The following RGL1 variants were observed in gnomAD, a reference collection of about 807,000 sequenced individuals.
RGL1 encodes the protein ral guanine nucleotide dissociation stimulator-like 1.
A neutral mutation model predicts 95.2 loss-of-function variants in RGL1; 24 were observed. The ratio of observed to expected loss-of-function variants is 0.25; its 90% CI spans 0.18 to 0.35. The LOEUF is 0.35. Among genes scored for constraint, RGL1 ranks in the 10% least tolerant of loss-of-function variants. The pLI is 1.00. For synonymous variants in RGL1, 329 were observed against 344.9 expected, an observed-to-expected ratio of 0.95 and a Z score of 0.51; for missense variants, 715 against 936.3, an observed-to-expected ratio of 0.76 and a Z score of 3.08.
chr1:183,889,370 A>G (rs921234835), intron 8 of RGL1, among the ~76,000 whole-genome samples: 13 of 152,158 alleles, frequency 8.5e-5, no homozygotes, highest in Admixed American at 6.5e-5. Context: ...AAGTTAGGCT[A>G]TATCAGGGAA....
rs188801377 is a variant in RGL1, at chr1:183,900,428, A to G, written c.1317+192A>G. On this transcript the variant is annotated intron_variant, in intron 11 of 17. Transcript: ENST00000360851. Reference sequence around the variant, plus strand: ...GCTCAAAATCCAGTGGAAGTAATTAATATATCAAAATAAGCAGTGAACGAT... The same window carrying G: ...GCTCAAAATCCAGTGGAAGTAATTAGTATATCAAAATAAGCAGTGAACGAT... 2.6e-5 allele frequency among the ~76,000 whole-genome samples: 4 copies of G among 152,386 alleles called. No individual in the cohort carries two copies. In the East Asian group the frequency reaches 5.8e-4, roughly 22 times the overall value.
At chr1:183,736,756 G>A (rs1426930982) in intron 1 of RGL1, among the ~76,000 whole-genome samples, 1 of 152,166 alleles carries the variant, frequency 6.6e-6, no homozygotes, top group African/African-American at 2.4e-5. Context: ...AAGATTAGAA[G>A]AAATCTGAGT....
chr1:183,665,479 T>G (rs1398446376), intron 1 of RGL1, among the ~76,000 whole-genome samples: 1 of 152,170 alleles, frequency 6.6e-6, no homozygotes, highest in Non-Finnish European at 1.5e-5. Flanking sequence ...TTTCCTTAAA[T>G]TTTTGGTAGA....
chr1:183,823,487 A>G (rs549981295), intron 2 of RGL1, among the ~76,000 whole-genome samples: 1 of 152,322 alleles, frequency 6.6e-6, no homozygotes, highest in East Asian at 1.9e-4. Context: ...TTTATTTGTT[A>G]AAATGATTTA....
chr1:183,861,026 C>A (rs988910229), intron 3 of RGL1, among the ~76,000 whole-genome samples: 1 of 152,106 alleles, frequency 6.6e-6, no homozygotes, highest in African/African-American at 2.4e-5. Context: ...TTAGTTGTAT[C>A]TTTGAGGGCA....
intron 1 of RGL1, among the ~76,000 whole-genome samples, chr1:183,727,174 T>C (rs926723485): frequency 3.3e-5 from 5 of 152,114 alleles, no homozygotes; most frequent in African/African-American, 1.2e-4. Context: ...TCAAATAATG[T>C]TTATCCTAGG....
chr1:183,892,610 A>G (rs563568359), intron 9 of RGL1, among the ~76,000 whole-genome samples: 1 of 152,322 alleles, frequency 6.6e-6, no homozygotes, highest in Non-Finnish European at 1.5e-5. Context: ...AACACCAAGT[A>G]AGTGCTGACT....
At chr1:183,697,359 A>G (rs949229528) in intron 1 of RGL1, among the ~76,000 whole-genome samples, 1 of 152,050 alleles carries the variant, frequency 6.6e-6, no homozygotes, top group Non-Finnish European at 1.5e-5. Flanking sequence ...CTAATATTTT[A>G]CATGGTTTGC....
intron 1 of RGL1, chr1:183,647,737 C>T (rs1461262536): frequency 1.9e-6 from 3 of 1,613,664 alleles, no homozygotes; most frequent in Non-Finnish European, 1.7e-6. Flanking sequence ...GCAAACTGTT[C>T]TGTGATTTCC....
intron 13 of RGL1, 83 bp downstream of exon 13, chr1:183,905,054 A>G (rs1241385761): frequency 1.5e-5 from 22 of 1,498,782 alleles, no homozygotes; most frequent in Non-Finnish European, 1.7e-5. Context: ...TGGGTCATTT[A>G]TTCAACAACT....
At chr1:183,866,165 C>A in intron 4 of RGL1, 92 bp downstream of exon 4, 1 of 1,103,962 alleles carries the variant, frequency 9.1e-7, no homozygotes, top group South Asian at 1.3e-5. Context: ...TGAATGTTGC[C>A]ATGATTTTTT....
intron 2 of RGL1, among the ~76,000 whole-genome samples, chr1:183,808,265 T>A (rs1488473404): frequency 6.6e-6 from 1 of 152,204 alleles, no homozygotes; most frequent in Non-Finnish European, 1.5e-5. Context: ...CTTCTCTCAG[T>A]GTTCTCAAAT....
At chr1:183,644,642 A>G (rs1435923771) in intron 1 of RGL1, among the ~76,000 whole-genome samples, 1 of 151,862 alleles carries the variant, frequency 6.6e-6, no homozygotes, top group East Asian at 1.9e-4. Context: ...TTCCTTTTAA[A>G]ATTTATTTTA....
intron 2 of RGL1, among the ~76,000 whole-genome samples, chr1:183,790,045 C>T (rs184671687): frequency 0.02 from 3,060 of 151,786 alleles, 103 homozygotes; most frequent in African/African-American, 0.071. Context: ...CTCAGCCTCC[C>T]GAGTAGCTGG....
intron 4 of RGL1, among the ~76,000 whole-genome samples, chr1:183,878,791 CTTG>C (rs758466215): frequency 1.3e-5 from 2 of 152,084 alleles, no homozygotes; most frequent in South Asian, 2.1e-4. Flanking sequence ...GAAACACTGT[CTTG>C]TTGTTAGGCT....
intron 3 of RGL1, among the ~76,000 whole-genome samples, chr1:183,861,393 C>A (rs562118643): frequency 6.6e-6 from 1 of 152,262 alleles, no homozygotes; most frequent in South Asian, 2.1e-4. Context: ...CCTGGTCTTC[C>A]CCTTCAAACA....
At chr1:183,840,979 T>G (rs573483513) in intron 2 of RGL1, among the ~76,000 whole-genome samples, 2 of 47,640 alleles carry the variant, frequency 4.2e-5, no homozygotes, top group African/African-American at 1.8e-4. Flanking sequence ...TGGGCCCCTC[T>G]TGGTGCTTCC....
At chr1:183,894,882 A>T (rs1212587765) in intron 9 of RGL1, among the ~76,000 whole-genome samples, 2 of 152,170 alleles carry the variant, frequency 1.3e-5, no homozygotes, top group African/African-American at 4.8e-5. Flanking sequence ...AATTGTTTTT[A>T]AAAATGTTTC....
intron 10 of RGL1, among the ~76,000 whole-genome samples, chr1:183,899,794 A>G (rs1283644128): frequency 6.6e-6 from 1 of 152,184 alleles, no homozygotes; most frequent in Non-Finnish European, 1.5e-5. Flanking sequence ...TGGTGAGGCA[A>G]TGACTATCCA....
Sources: gnomAD v4.1 joint callset for allele counts (sites outside exome capture counted in the v4.1 genomes callset) on GRCh38, gnomAD v4.1.1 for gene constraint, MANE v1.5 for transcripts, NCBI Gene and HGNC (gene_info 2026-07-23, HGNC 2026-07-21) for gene names.